METTL15: variants seen among roughly 807,000 people sequenced by gnomAD.
METTL15 encodes the protein methyltransferase 15, mitochondrial 12S rRNA N4-cytidine.
METTL15 carries 34 observed loss-of-function variants against 38.3 expected under a neutral mutation model. The ratio of observed to expected loss-of-function variants is 0.89; its 90% CI spans 0.68 to 1.18. The LOEUF (loss-of-function observed/expected upper bound fraction) is 1.18. Ranked by LOEUF, METTL15 falls within the 50% of genes most tolerant of loss-of-function variation. The pLI is 0.00. For synonymous variants in METTL15, 162 were observed against 170.9 expected (o/e 0.95, Z 0.41); for missense variants, 438 against 498.4 (o/e 0.88, Z 1.15).
intron 6 of METTL15, among the ~76,000 whole-genome samples, chr11:28,511,090 G>T (rs1590399345): frequency 6.6e-6 from 1 of 152,232 alleles, no homozygotes; most frequent in East Asian, 1.9e-4. Flanking sequence ...AAAGTACTGG[G>T]AAATAAACTA....
At chr11:28,456,425 T>G (rs539353544) in intron 6 of METTL15, among the ~76,000 whole-genome samples, 6 of 145,678 alleles carry the variant, frequency 4.1e-5, no homozygotes, top group Non-Finnish European at 7.5e-5. Flanking sequence ...AGGGTTGTTT[T>G]TTTTTTTGTT....
chr11:28,165,301 C>G (rs1423626927), intron 3 of METTL15, among the ~76,000 whole-genome samples: 1 of 152,060 alleles, frequency 6.6e-6, no homozygotes, highest in Non-Finnish European at 1.5e-5. Context: ...TTCCCACCAA[C>G]AAAGGGCAAG....
chr11:28,352,506 G>C (rs901903056), intron 4 of METTL15, among the ~76,000 whole-genome samples: 1 of 152,160 alleles, frequency 6.6e-6, no homozygotes, highest in African/African-American at 2.4e-5. Context: ...GTCCAGGAGG[G>C]AAAGAACAAA....
At chr11:28,158,619 C>T (rs1850343563) in intron 3 of METTL15, among the ~76,000 whole-genome samples, 1 of 152,176 alleles carries the variant, frequency 6.6e-6, no homozygotes, top group African/African-American at 2.4e-5. Flanking sequence ...GTTTGACTAT[C>T]CTGCACACAA....
At chr11:28,175,281 C>CA (rs1485108547) in intron 3 of METTL15, among the ~76,000 whole-genome samples, 1 of 151,658 alleles carries the variant, frequency 6.6e-6, no homozygotes, top group East Asian at 1.9e-4. Context: ...ATGAACTCAT[C>CA]TTTTTTTATG....
intron 6 of METTL15, among the ~76,000 whole-genome samples, chr11:28,487,013 T>A (rs542628938): frequency 2.2e-4 from 34 of 152,046 alleles, no homozygotes; most frequent in Non-Finnish European, 4.4e-4. Context: ...GAAAAAAAAA[T>A]ACAGTGCCAT....
intron 3 of METTL15, among the ~76,000 whole-genome samples, chr11:28,137,171 T>A (rs1175454357): frequency 6.6e-6 from 1 of 152,244 alleles, no homozygotes; most frequent in Non-Finnish European, 1.5e-5. Context: ...TGTACTTCTA[T>A]TTCAATGCGC....
At position 28,496,312 on chromosome 11, in the gene METTL15, T is replaced by C. The variant is rs189243060; in HGVS notation, c.*425-30166T>C. On this transcript the variant is annotated intron_variant and NMD_transcript_variant, in intron 6 of 7. Transcript: ENST00000532947. Reference sequence around the variant, plus strand: ...AAACCATCAGATTCCATGAGACTTATTGACTACCATGAGAACAGTATGTGG... The same window carrying C: ...AAACCATCAGATTCCATGAGACTTACTGACTACCATGAGAACAGTATGTGG... 2.1e-4 allele frequency among the ~76,000 whole-genome samples: 32 copies of C among 152,270 alleles called. No individual in the cohort carries two copies. The East Asian group carries it at 5.8e-3, about 28-fold the overall frequency.
intron 4 of METTL15, among the ~76,000 whole-genome samples, chr11:28,361,664 G>T (rs1564906476): frequency 6.6e-6 from 1 of 152,004 alleles, no homozygotes; most frequent in Admixed American, 6.6e-5. Context: ...CTGGGTAGGG[G>T]GAGGGGTATA....
intron 6 of METTL15, among the ~76,000 whole-genome samples, chr11:28,298,467 A>G (rs1408931390): frequency 1.3e-5 from 2 of 152,104 alleles, no homozygotes; most frequent in East Asian, 1.9e-4. Context: ...ATAGCTTGCA[A>G]TAGTAATCTA....
At chr11:28,527,881 G>C (rs1446707163), downstream of METTL15, among the ~76,000 whole-genome samples, 2 of 152,118 alleles carry the variant, frequency 1.3e-5, no homozygotes, top group Non-Finnish European at 2.9e-5. Context: ...TTTGTCTTAT[G>C]ATAATTCCAG....
intron 6 of METTL15, among the ~76,000 whole-genome samples, chr11:28,310,679 A>G (rs1032180965): frequency 3.3e-5 from 5 of 151,750 alleles, no homozygotes; most frequent in Non-Finnish European, 5.9e-5. Flanking sequence ...TTGAAGGCCT[A>G]TTTTCTAGTC....
At chr11:28,353,630 T>C (rs1850060979) in intron 4 of METTL15, among the ~76,000 whole-genome samples, 1 of 152,076 alleles carries the variant, frequency 6.6e-6, no homozygotes, top group Admixed American at 6.5e-5. Context: ...AGTATGTAAG[T>C]GTAATAAGAT....
At chr11:28,198,607 G>GT (rs1440034008) in intron 3 of METTL15, among the ~76,000 whole-genome samples, 4 of 152,014 alleles carry the variant, frequency 2.6e-5, no homozygotes, top group African/African-American at 9.7e-5. Context: ...GCTTCTGAGA[G>GT]TTTTTTCCCT....
intron 3 of METTL15, among the ~76,000 whole-genome samples, chr11:28,188,182 A>T (rs571827925): frequency 1.8e-4 from 27 of 151,508 alleles, no homozygotes; most frequent in African/African-American, 4.3e-4. Flanking sequence ...ATTTTGGGAC[A>T]TATCATAGTT....
intron 6 of METTL15, among the ~76,000 whole-genome samples, chr11:28,482,857 G>A (rs1462912374): frequency 6.6e-6 from 1 of 152,174 alleles, no homozygotes; most frequent in Non-Finnish European, 1.5e-5. Context: ...AGCACTGTTT[G>A]AACTATGATT....
intron 6 of METTL15, among the ~76,000 whole-genome samples, chr11:28,499,312 C>A (rs563441112): frequency 6.6e-6 from 1 of 152,272 alleles, no homozygotes; most frequent in Non-Finnish European, 1.5e-5. Context: ...TACATGCACA[C>A]ACACTCATAC....
intron 3 of METTL15, among the ~76,000 whole-genome samples, chr11:28,167,494 T>G (rs1410004643): frequency 6.6e-6 from 1 of 152,124 alleles, no homozygotes; most frequent in Non-Finnish European, 1.5e-5. Context: ...CGTAGTACTT[T>G]TTTCTCTATG....
intron 6 of METTL15, among the ~76,000 whole-genome samples, chr11:28,522,605 A>G (rs918394410): frequency 1.3e-5 from 2 of 152,228 alleles, no homozygotes; most frequent in Non-Finnish European, 2.9e-5. Context: ...TAGGTGTCAC[A>G]TATCTGGACA....
Sources: gnomAD v4.1 joint callset for allele counts (sites outside exome capture counted in the v4.1 genomes callset) on GRCh38, gnomAD v4.1.1 for gene constraint, MANE v1.5 for transcripts, NCBI Gene and HGNC (gene_info 2026-07-23, HGNC 2026-07-21) for gene names.